The following PODXL variants were observed in gnomAD, a reference collection of about 807,000 sequenced individuals.
PODXL encodes podocalyxin like.
PODXL carries 20 observed loss-of-function variants against 48.9 expected under a neutral mutation model. The ratio of observed to expected loss-of-function variants is 0.41; its 90% confidence interval spans 0.29 to 0.59. The LOEUF is 0.59. Among genes scored for constraint, PODXL ranks in the 20% least tolerant of loss-of-function variants. PODXL has a pLI of 0.31. For synonymous variants in PODXL, 295 were observed against 287.4 expected (o/e 1.03, Z -0.27); for missense variants, 606 against 675.1 (o/e 0.90, Z 1.13).
intron 1 of PODXL, among the ~76,000 whole-genome samples, chr7:131,541,688 AGAC>A (rs1193747581): frequency 6.0e-5 from 9 of 150,810 alleles, no homozygotes; most frequent in Admixed American, 4.6e-4. Context: ...AAAAAAAAAA[AGAC>A]AAACAAACCA....
intron 1 of PODXL, among the ~76,000 whole-genome samples, chr7:131,541,186 T>C (rs1355653035): frequency 6.6e-6 from 1 of 152,214 alleles, no homozygotes; most frequent in East Asian, 1.9e-4. Flanking sequence ...CCGCTTACTC[T>C]GCAAAGCAGG....
At chr7:131,543,512 T>A (rs1798516654) in intron 1 of PODXL, among the ~76,000 whole-genome samples, 2 of 152,088 alleles carry the variant, frequency 1.3e-5, no homozygotes, top group African/African-American at 4.8e-5. Flanking sequence ...AGAGGAAGCC[T>A]AGATGTCATG....
At chr7:131,532,455 A>AAAAAAT (rs1562913054) in intron 1 of PODXL, among the ~76,000 whole-genome samples, 3 of 149,376 alleles carry the variant, frequency 2.0e-5, no homozygotes, top group Non-Finnish European at 4.5e-5. Flanking sequence ...AAAAAAATTA[A>AAAAAAT]AAATAAATAA....
chr7:131,541,134 G>T (rs756458327), intron 1 of PODXL, among the ~76,000 whole-genome samples: 1 of 152,156 alleles, frequency 6.6e-6, no homozygotes, highest in Non-Finnish European at 1.5e-5. Flanking sequence ...GTGCATGCTG[G>T]GGTTGGAGCA....
intron 1 of PODXL, among the ~76,000 whole-genome samples, chr7:131,555,904 A>G (rs896032171): frequency 2.6e-5 from 4 of 152,244 alleles, no homozygotes; most frequent in African/African-American, 9.6e-5. Flanking sequence ...GGAAAGGTGT[A>G]ATCAGATCCC....
intron 1 of PODXL, among the ~76,000 whole-genome samples, chr7:131,551,351 G>A (rs1451681144): frequency 6.6e-6 from 1 of 152,186 alleles, no homozygotes; most frequent in African/African-American, 2.4e-5. Context: ...GGTGCAAATA[G>A]GAAATGAGCC....
At chr7:131,516,982 A>G (rs1798007914) in intron 1 of PODXL, among the ~76,000 whole-genome samples, 1 of 151,846 alleles carries the variant, frequency 6.6e-6, no homozygotes, top group Admixed American at 6.6e-5. Context: ...AGCCTCCCAA[A>G]TTGCTGGGAT....
At chr7:131,539,553 A>G (rs1798441245) in intron 1 of PODXL, among the ~76,000 whole-genome samples, 1 of 152,214 alleles carries the variant, frequency 6.6e-6, no homozygotes, top group Admixed American at 6.5e-5. Context: ...CTGGTCTTGA[A>G]GTCCTGACCT....
At chr7:131,505,838 T>A in intron 8 of PODXL, 30 bp downstream of exon 8, 1 of 1,538,796 alleles carries the variant, frequency 6.5e-7, no homozygotes, top group Non-Finnish European at 8.8e-7. Context: ...CTGGGCTGCT[T>A]CCCCTGTGTG....
Position 131,516,029 on chromosome 7 carries a change from T to G in PODXL, c.101-4596A>C, listed in dbSNP as rs1426403420. On this transcript the variant is annotated intron_variant, in intron 1 of 8. Transcript: ENST00000378555. ...TATTTATGGATATTTAACATAAGGG[T>G]GCTGTATCAAAAGGAGGATGATGAT... Among the ~76,000 whole-genome samples the G allele has an allele frequency of 2.0e-5, 3 of 152,166 alleles. No homozygotes were observed. The South Asian group carries it at 6.2e-4, about 32-fold the overall frequency.
At chr7:131,523,753 C>T (rs1281227992) in intron 1 of PODXL, among the ~76,000 whole-genome samples, 2 of 149,778 alleles carry the variant, frequency 1.3e-5, no homozygotes, top group African/African-American at 4.9e-5. Flanking sequence ...GACTCCTCAA[C>T]TCCATACAAG....
chr7:131,527,594 AGGTGGAAGCCTGACT>A (rs1798207683), intron 1 of PODXL, among the ~76,000 whole-genome samples: 1 of 152,240 alleles, frequency 6.6e-6, no homozygotes, highest in South Asian at 2.1e-4. Flanking sequence ...GGCACAGTGC[AGGTGGAAGCCTGACT>A]CGGGCAGACT....
chr7:131,525,930 C>T (rs1798178072), intron 1 of PODXL, among the ~76,000 whole-genome samples: 1 of 152,022 alleles, frequency 6.6e-6, no homozygotes, highest in Non-Finnish European at 1.5e-5. Flanking sequence ...GTCAGTCAGT[C>T]GGAACTCATG....
chr7:131,514,146 G>A (rs1013019390), intron 1 of PODXL, among the ~76,000 whole-genome samples: 11 of 152,172 alleles, frequency 7.2e-5, no homozygotes, highest in African/African-American at 1.9e-4. Context: ...GGCTGGGTGC[G>A]GTGGCTCATG....
intron 1 of PODXL, among the ~76,000 whole-genome samples, chr7:131,550,205 A>G (rs973940357): frequency 6.6e-6 from 1 of 152,248 alleles, no homozygotes; most frequent in Non-Finnish European, 1.5e-5. Flanking sequence ...GGCACAATGC[A>G]TGGTGGCCAG....
intron 1 of PODXL, among the ~76,000 whole-genome samples, chr7:131,512,051 A>T (rs531684791): frequency 2.0e-5 from 3 of 152,354 alleles, no homozygotes; most frequent in African/African-American, 7.2e-5. Context: ...TAAGCAAAAA[A>T]GACATGGGCC....
rs572700317 is a variant in PODXL, at chr7:131,501,591, C to G, written c.*2720G>C. The G allele has an allele frequency of 3.3e-5, 5 of 152,288 alleles. No individual in the cohort carries two copies. The East Asian group carries it at 9.6e-4, about 29-fold the overall frequency. The allele number at this position is 152,288 out of a possible 1,614,324, so 9.4% of individuals were successfully genotyped here. On this transcript the variant is annotated 3_prime_UTR_variant, in exon 9 of 9. Transcript: ENST00000378555. ...GTCTCCCCACTCTCATGACAGTAGGCTTCCTAGTCATCATACTTGTGGTTT... is the reference window on the plus strand; with the variant it reads ...GTCTCCCCACTCTCATGACAGTAGGGTTCCTAGTCATCATACTTGTGGTTT...
At chr7:131,551,631 T>C (rs549025868) in intron 1 of PODXL, among the ~76,000 whole-genome samples, 1 of 152,234 alleles carries the variant, frequency 6.6e-6, no homozygotes, top group East Asian at 1.9e-4. Flanking sequence ...TTCCTCCCAC[T>C]TCCCTTAAGA....
chr7:131,508,167 G>C (rs1351765691), intron 5 of PODXL, among the ~76,000 whole-genome samples: 1 of 152,176 alleles, frequency 6.6e-6, no homozygotes, highest in African/African-American at 2.4e-5. Context: ...TGGCCTGAAG[G>C]CTGCTCACAC....
Sources: gnomAD v4.1 joint callset for allele counts (sites outside exome capture counted in the v4.1 genomes callset) on GRCh38, gnomAD v4.1.1 for gene constraint, MANE v1.5 for transcripts, NCBI Gene and HGNC (gene_info 2026-07-23, HGNC 2026-07-21) for gene names.